KIAA1328: variants seen among roughly 807,000 people sequenced by gnomAD.
KIAA1328 encodes protein hinderin.
KIAA1328 carries 52 observed loss-of-function variants against 68.1 expected under a neutral mutation model. The ratio of observed to expected loss-of-function variants is 0.76; its 90% CI spans 0.61 to 0.96. The LOEUF is 0.96. Among genes scored for constraint, KIAA1328 ranks in the 40% least tolerant of loss-of-function variants. KIAA1328 has a pLI of 0.00. For missense variants in KIAA1328, 641 were observed against 677.6 expected, an observed-to-expected ratio of 0.95 and a Z score of 0.60; for synonymous variants, 232 against 239.4, an observed-to-expected ratio of 0.97 and a Z score of 0.28.
chr18:36,936,394 T>A (rs537036748), intron 5 of KIAA1328, among the ~76,000 whole-genome samples: 5 of 152,130 alleles, frequency 3.3e-5, no homozygotes, highest in Non-Finnish European at 7.4e-5. Context: ...TCTGTTCCTG[T>A]GTTAGTTTGC....
intron 8 of KIAA1328, among the ~76,000 whole-genome samples, chr18:37,166,848 C>T (rs184031204): frequency 6.6e-5 from 10 of 152,202 alleles, no homozygotes; most frequent in South Asian, 2.1e-4. Context: ...ACAATAGACA[C>T]ATCAAAAAGT....
At chr18:37,215,681 T>G (rs902537459) in intron 9 of KIAA1328, among the ~76,000 whole-genome samples, 41 of 152,164 alleles carry the variant, frequency 2.7e-4, no homozygotes, top group African/African-American at 9.7e-4. Context: ...TTAGGGAGGA[T>G]TCCCTCTTTT....
intron 6 of KIAA1328, among the ~76,000 whole-genome samples, chr18:37,066,059 G>A (rs2056326803): frequency 6.6e-6 from 1 of 152,110 alleles, no homozygotes; most frequent in South Asian, 2.1e-4. Flanking sequence ...GAAACTCTGG[G>A]GATGAAGCTA....
At chr18:37,101,497 C>G (rs1486763682) in intron 7 of KIAA1328, among the ~76,000 whole-genome samples, 1 of 152,132 alleles carries the variant, frequency 6.6e-6, no homozygotes, top group Non-Finnish European at 1.5e-5. Context: ...AACGAAGCCT[C>G]CAAGAAATAT....
intron 6 of KIAA1328, among the ~76,000 whole-genome samples, chr18:37,002,654 A>C (rs1006588910): frequency 6.6e-6 from 1 of 152,086 alleles, no homozygotes; most frequent in African/African-American, 2.4e-5. Context: ...AAAGTTCTCT[A>C]CAAGAGAAAC....
chr18:37,226,141 G>A (rs554665114), downstream of KIAA1328, among the ~76,000 whole-genome samples: 6 of 152,264 alleles, frequency 3.9e-5, no homozygotes, highest in Middle Eastern at 3.4e-3. Context: ...AAAGGGAGCA[G>A]TCTTGGATTC....
rs1444636252 is a variant in KIAA1328, at chr18:36,877,671, T to TC, written c.333-7886_333-7885insC. ...AATTTGCCAGTCTGTGTCTTTTTTT[T>TC]TTTTTTTTTTTTTGAGATGGAGTCT... On this transcript the variant is annotated intron_variant, in intron 4 of 9. Transcript: ENST00000280020. Among the ~76,000 whole-genome samples the TC allele has an allele frequency of 2.1e-5, 3 of 146,150 alleles. No individual in the cohort carries two copies. In the East Asian group the frequency reaches 5.9e-4, roughly 29 times the overall value.
chr18:36,835,140 C>T (rs529529972), intron 2 of KIAA1328, 94 bp from the exon 3 acceptor site: 14 of 986,374 alleles, frequency 1.4e-5, no homozygotes, highest in Middle Eastern at 3.5e-4. Flanking sequence ...CCATCAGGTC[C>T]CTTAAAGTAG....
At chr18:37,122,055 T>A (rs1208321966) in intron 7 of KIAA1328, among the ~76,000 whole-genome samples, 1 of 152,054 alleles carries the variant, frequency 6.6e-6, no homozygotes, top group African/African-American at 2.4e-5. Flanking sequence ...TGCATTTAGA[T>A]GACATGACAT....
At chr18:36,902,898 AT>A (rs1365256175) in intron 5 of KIAA1328, among the ~76,000 whole-genome samples, 3 of 151,784 alleles carry the variant, frequency 2.0e-5, no homozygotes, top group African/African-American at 7.3e-5. Context: ...TATTTTCTTT[AT>A]TTTTTCCATT....
In KIAA1328 at chr18:36,969,898, T is replaced by C. The variant is rs1038511351; in HGVS notation, c.576+10463T>C. ...AGAGGACAAACAGGAGCTGGTACCA[T>C]TCCTTCTCACACTATTCTGAACAAC... On this transcript the variant is annotated intron_variant, in intron 6 of 9. Transcript: ENST00000280020. Among the ~76,000 whole-genome samples, 5 of 152,160 alleles carry C rather than the reference T, an allele frequency of 3.3e-5. No homozygotes were observed. The East Asian group carries it at 7.7e-4, about 24-fold the overall frequency.
chr18:37,047,606 A>G (rs760435723), intron 6 of KIAA1328, among the ~76,000 whole-genome samples: 16 of 152,062 alleles, frequency 1.1e-4, no homozygotes, highest in Non-Finnish European at 1.9e-4. Context: ...CCTCACATAT[A>G]CCTTTATTAT....
At chr18:36,906,441 C>T (rs1391383306) in intron 5 of KIAA1328, among the ~76,000 whole-genome samples, 1 of 152,122 alleles carries the variant, frequency 6.6e-6, no homozygotes, top group Admixed American at 6.6e-5. Context: ...TGGAATCATG[C>T]AGTATTTAGC....
At chr18:36,946,852 A>T (rs1313117775) in intron 5 of KIAA1328, among the ~76,000 whole-genome samples, 2 of 152,160 alleles carry the variant, frequency 1.3e-5, no homozygotes, top group Non-Finnish European at 2.9e-5. Context: ...TTATTCTTAA[A>T]AGAGAACTCT....
chr18:37,180,370 C>T (rs774961073), intron 9 of KIAA1328, among the ~76,000 whole-genome samples: 4 of 152,084 alleles, frequency 2.6e-5, no homozygotes, highest in African/African-American at 7.2e-5. Context: ...CTTTTCTAAT[C>T]GCAACTTTCA....
At chr18:36,913,992 T>C (rs1036279104) in intron 5 of KIAA1328, among the ~76,000 whole-genome samples, 1 of 152,180 alleles carries the variant, frequency 6.6e-6, no homozygotes, top group Non-Finnish European at 1.5e-5. Flanking sequence ...GTTTTTTTCA[T>C]GTACTTTGTG....
At chr18:37,153,710 C>A (rs1415730959) in intron 7 of KIAA1328, among the ~76,000 whole-genome samples, 1 of 133,500 alleles carries the variant, frequency 7.5e-6, no homozygotes, top group Non-Finnish European at 1.5e-5. Context: ...GGTTCAGAAA[C>A]TGGACAATAT....
At position 37,018,411 on chromosome 18, in the gene KIAA1328, A is replaced by G. The variant is rs1043166321; in HGVS notation, c.577-48479A>G. Among the ~76,000 whole-genome samples the G allele has an allele frequency of 1.4e-4, 21 of 152,034 alleles. 1 individual carries two copies. The highest frequency in any genetic ancestry group is 8.5e-4 in the Admixed American group (13 of 15,248). ...GCCTTTAAGATTTTTTTCATTTAGC[A>G]TTGACCTTGAACCTTCTGACTATTA... On this transcript the variant is annotated intron_variant, in intron 6 of 9. Transcript: ENST00000280020.
At chr18:37,221,568 G>A (rs2060564032) in intron 9 of KIAA1328, among the ~76,000 whole-genome samples, 2 of 152,286 alleles carry the variant, frequency 1.3e-5, no homozygotes, top group South Asian at 4.1e-4. Flanking sequence ...TGTTAGATGA[G>A]TTACTTCCCT....
Sources: gnomAD v4.1 joint callset for allele counts (sites outside exome capture counted in the v4.1 genomes callset) on GRCh38, gnomAD v4.1.1 for gene constraint, MANE v1.5 for transcripts, NCBI Gene and HGNC (gene_info 2026-07-23, HGNC 2026-07-21) for gene names.